Variants in SIPA1L1 observed in about 807,000 individuals in gnomAD.
The protein encoded by SIPA1L1 is signal induced proliferation associated 1 like 1.
In SIPA1L1, 26 loss-of-function variants were observed where a neutral mutation model predicts 162.7. That is an observed-to-expected ratio of 0.16 (90% CI 0.12 to 0.22). SIPA1L1 has a LOEUF of 0.22. Ranked by LOEUF, SIPA1L1 falls within the 10% of genes least tolerant of loss-of-function variation. The pLI is 1.00. For missense variants in SIPA1L1, 1,874 were observed against 2,241.0 expected, an observed-to-expected ratio of 0.84 and a Z score of 3.31; for synonymous variants, 829 against 837.4, an observed-to-expected ratio of 0.99 and a Z score of 0.17.
At chr14:71,738,161 TAAAAA>T (rs34549978) in intron 22 of SIPA1L1, 75 bp from the exon 23 acceptor site, 5,364 of 365,776 alleles carry the variant, frequency 0.015, 5 homozygotes, top group African/African-American at 0.035. Context: ...CTCCTCAGAG[TAAAAA>T]AAAAAAAAAA....
At chr14:71,391,103 CTTT>C (rs36003254) in intron 2 of SIPA1L1, among the ~76,000 whole-genome samples, 1 of 108,450 alleles carries the variant, frequency 9.2e-6, no homozygotes, top group Non-Finnish European at 1.8e-5. Context: ...TATTCAGTAT[CTTT>C]TTTTTTTTTT....
At chr14:71,472,016 C>T (rs1328002646) in intron 2 of SIPA1L1, among the ~76,000 whole-genome samples, 2 of 152,006 alleles carry the variant, frequency 1.3e-5, no homozygotes, top group East Asian at 3.8e-4. Flanking sequence ...CCTTCATACA[C>T]GTAAGGGTTA....
intron 2 of SIPA1L1, among the ~76,000 whole-genome samples, chr14:71,357,403 A>G (rs2037379546): frequency 6.6e-6 from 1 of 152,174 alleles, no homozygotes; most frequent in African/African-American, 2.4e-5. Context: ...GTTGGTGGTA[A>G]GGCCGCCTGA....
chr14:71,415,715 T>G (rs2042709973), intron 2 of SIPA1L1, among the ~76,000 whole-genome samples: 2 of 152,116 alleles, frequency 1.3e-5, no homozygotes, highest in Admixed American at 1.3e-4. Context: ...TTTTTTTTTT[T>G]GAGATGGGAT....
At chr14:71,464,169 G>A (rs890092036) in intron 2 of SIPA1L1, among the ~76,000 whole-genome samples, 18 of 152,208 alleles carry the variant, frequency 1.2e-4, no homozygotes, top group Admixed American at 1.1e-3. Flanking sequence ...GGTCTAAAGG[G>A]ACTAATCCAC....
At chr14:71,544,942 A>G (rs2055044811) in intron 4 of SIPA1L1, among the ~76,000 whole-genome samples, 1 of 152,182 alleles carries the variant, frequency 6.6e-6, no homozygotes, top group Non-Finnish European at 1.5e-5. Flanking sequence ...AGCTCACTGC[A>G]GCCTTGAATC....
intron 10 of SIPA1L1, among the ~76,000 whole-genome samples, chr14:71,666,823 G>A (rs2044049265): frequency 1.4e-5 from 2 of 146,026 alleles, no homozygotes; most frequent in African/African-American, 5.1e-5. Context: ...GAGGAAGCGT[G>A]ATGCATGTCC....
rs117074389 is a variant in SIPA1L1 at position 71,518,731 on chromosome 14, A to T, written c.-362+5886A>T. On this transcript the variant is annotated intron_variant, in intron 3 of 23. Coordinates refer to ENST00000381232, the MANE Select transcript of SIPA1L1 (RefSeq NM_001386936.1). Reference sequence around the variant, plus strand: ...TGAGGCTGGCAGATCACTTGAGCTCAGGAGTTCAGCACCAGCCTGGGCAAC... The same window carrying T: ...TGAGGCTGGCAGATCACTTGAGCTCTGGAGTTCAGCACCAGCCTGGGCAAC... Among the ~76,000 whole-genome samples the T allele has an allele frequency of 3.2e-3, 494 of 152,200 alleles. 27 individuals carry two copies. In the East Asian group the frequency reaches 0.084, roughly 26 times the overall value.
chr14:71,554,581 G>T (rs1041219117), intron 4 of SIPA1L1, among the ~76,000 whole-genome samples: 3 of 152,124 alleles, frequency 2.0e-5, no homozygotes, highest in African/African-American at 7.2e-5. Flanking sequence ...TATAAAGAGA[G>T]CTTGTTGTTG....
intron 2 of SIPA1L1, among the ~76,000 whole-genome samples, chr14:71,502,275 T>TATATATATATATATATATATATATAA (rs1253780840): frequency 6.9e-6 from 1 of 144,378 alleles, no homozygotes; most frequent in African/African-American, 2.5e-5. Flanking sequence ...TATATATATA[T>TATATATATATATATATATATATATAA]ATATTTGAGA....
intron 2 of SIPA1L1, among the ~76,000 whole-genome samples, chr14:71,385,334 G>A (rs749888325): frequency 3.5e-4 from 53 of 152,154 alleles, no homozygotes; most frequent in Non-Finnish European, 6.6e-4. Flanking sequence ...AAAGTAGGTA[G>A]GTGTGGGTAT....
intron 2 of SIPA1L1, among the ~76,000 whole-genome samples, chr14:71,432,313 T>G (rs1217306591): frequency 6.6e-6 from 1 of 152,074 alleles, no homozygotes; most frequent in Non-Finnish European, 1.5e-5. Context: ...GCTCAAGCAA[T>G]CCTCCTGCCT....
intron 4 of SIPA1L1, among the ~76,000 whole-genome samples, chr14:71,583,459 G>A (rs1256205171): frequency 6.6e-6 from 1 of 152,166 alleles, no homozygotes; most frequent in Non-Finnish European, 1.5e-5. Flanking sequence ...TTGGAATGTG[G>A]AAGTATTTTA....
Position 71,452,816 on chromosome 14 carries a change from C to T in SIPA1L1, c.-464-59927C>T, listed in dbSNP as rs180863831. On this transcript the variant is annotated intron_variant, in intron 2 of 23. Transcript: ENST00000381232. ...AGTGCTTTGACCTCAAGAACTTCCC[C>T]TCTGGGGAGATCTTATGTTATTTAA... Among the ~76,000 whole-genome samples the T allele has an allele frequency of 1.3e-4, 20 of 152,320 alleles. No homozygotes were observed. The East Asian group carries it at 3.9e-3, about 29-fold the overall frequency.
intron 7 of SIPA1L1, among the ~76,000 whole-genome samples, chr14:71,625,971 C>T (rs542505637): frequency 5.3e-4 from 81 of 152,186 alleles, no homozygotes; most frequent in African/African-American, 1.9e-3. Flanking sequence ...GGATCACAGA[C>T]GGTGCTGATC....
At chr14:71,382,983 G>GATACTAC (rs2040029078) in intron 2 of SIPA1L1, among the ~76,000 whole-genome samples, 1 of 152,026 alleles carries the variant, frequency 6.6e-6, no homozygotes, top group Admixed American at 6.5e-5. Flanking sequence ...GGGAGTGAAG[G>GATACTAC]CTTCATGTGG....
intron 5 of SIPA1L1, among the ~76,000 whole-genome samples, chr14:71,602,740 A>T (rs1417365681): frequency 6.6e-6 from 1 of 152,266 alleles, no homozygotes; most frequent in Non-Finnish European, 1.5e-5. Flanking sequence ...GGTGAGCAGC[A>T]GGTGAGCCAG....
At position 71,351,689 on chromosome 14, in the gene SIPA1L1, G is replaced by A. The variant is rs570263211; in HGVS notation, c.-465+30508G>A. Among the ~76,000 whole-genome samples, 14 of 152,256 alleles carry A rather than the reference G, an allele frequency of 9.2e-5. No homozygotes were observed. The South Asian group carries it at 2.1e-3, about 23-fold the overall frequency. On this transcript the variant is annotated intron_variant, in intron 2 of 23. Transcript: ENST00000381232. ...AAGTCTCAAAACCATGTTGAGAAGC[G>A]TTATTCAGACAGAACAACAACCAAC...
At chr14:71,563,385 G>T (rs2056947227) in intron 4 of SIPA1L1, among the ~76,000 whole-genome samples, 1 of 149,826 alleles carries the variant, frequency 6.7e-6, no homozygotes, top group Non-Finnish European at 1.5e-5. Flanking sequence ...TGTACATCTT[G>T]GATTTCGTAT....
Sources: allele counts gnomAD v4.1 joint callset (sites outside exome capture counted in the v4.1 genomes callset), GRCh38; gene constraint gnomAD v4.1.1; transcripts MANE v1.5; gene names NCBI Gene and HGNC (gene_info 2026-07-23, HGNC 2026-07-21).